The following TRUB2 variants were observed in gnomAD, a reference collection of about 807,000 sequenced individuals.
TRUB2 encodes the protein pseudouridylate synthase TRUB2, mitochondrial.
TRUB2 carries 31 observed loss-of-function variants against 31.9 expected under a neutral mutation model. The observed-to-expected ratio is 0.97, with a 90% confidence interval of 0.73 to 1.31. The LOEUF is 1.31. TRUB2 is among the 50% of genes most tolerant of loss of function. The pLI is 0.00. For synonymous variants in TRUB2, 201 were observed against 182.6 expected, an observed-to-expected ratio of 1.10 and a Z score of -0.81; for missense variants, 451 against 439.6, an observed-to-expected ratio of 1.03 and a Z score of -0.23.
At chr9:128,315,692 C>A (rs183354270) in intron 3 of TRUB2, 64 bp from the exon 4 acceptor site, 5 of 1,541,574 alleles carry the variant, frequency 3.2e-6, no homozygotes, top group Non-Finnish European at 4.4e-6. Flanking sequence ...AGTATCCCCA[C>A]CCCTACCCCC....
chr9:128,322,006 G>A (rs1185887264), intron 1 of TRUB2, among the ~76,000 whole-genome samples: 1 of 152,200 alleles, frequency 6.6e-6, no homozygotes, highest in Admixed American at 6.6e-5. Context: ...TGATGTAGAA[G>A]ACAAAGCAGA....
At position 128,307,621 on chromosome 9, in the gene TRUB2, C is replaced by T. The variant is rs907798713; in HGVS notation, c.*1929G>A. 6.6e-6 allele frequency: 1 copy of T among 151,898 alleles called. No homozygotes were observed. The highest frequency in any genetic ancestry group is 2.4e-5 in the African/African-American group (1 of 41,334). The allele number at this position is 151,898 out of a possible 1,614,324, so 9.4% of individuals were successfully genotyped here. ...TGGTGCACACCGGTAATCCCAGCAA[C>T]TCTGGAGACTAAGGCAGGAAGAATC... is the stretch of plus-strand genomic sequence containing the variant. On this transcript the variant is annotated 3_prime_UTR_variant, in exon 8 of 8. Transcript: ENST00000372890.
chr9:128,316,381 A>T (rs1832069001), intron 3 of TRUB2: 1 of 152,066 alleles, frequency 6.6e-6, no homozygotes, highest in Non-Finnish European at 1.5e-5. Flanking sequence ...AGACAGAGCA[A>T]GACTCTGTCT....
At chr9:128,316,447 A>T (rs1171333338) in intron 3 of TRUB2, 2 of 151,722 alleles carry the variant, frequency 1.3e-5, no homozygotes, top group African/African-American at 2.4e-5. Context: ...GCACAGAGGA[A>T]GGGCCCAATA....
At chr9:128,309,911 G>T (rs1051932305) in intron 7 of TRUB2, 36 bp from the exon 8 acceptor site, 4 of 1,599,344 alleles carry the variant, frequency 2.5e-6, no homozygotes, top group African/African-American at 1.3e-5. Context: ...ATGGTGGTGA[G>T]AGCACAGCCT....
intron 4 of TRUB2, among the ~76,000 whole-genome samples, chr9:128,314,578 C>T (rs1475329454): frequency 6.6e-6 from 1 of 152,022 alleles, no homozygotes; most frequent in Non-Finnish European, 1.5e-5. Flanking sequence ...GACAGGCATG[C>T]GCCACCAGCC....
chr9:128,315,000 A>G (rs1474697547), intron 4 of TRUB2, among the ~76,000 whole-genome samples: 1 of 152,222 alleles, frequency 6.6e-6, no homozygotes, highest in Non-Finnish European at 1.5e-5. Flanking sequence ...ATTTGGCTCC[A>G]GAATTTGTGC....
At chr9:128,310,863 C>T (rs753397915) in intron 7 of TRUB2, 24 bp downstream of exon 7, 1 of 1,613,678 alleles carries the variant, frequency 6.2e-7, no homozygotes, top group Non-Finnish European at 8.5e-7. Context: ...CATCTCACTG[C>T]TCCAACTTCC....
At position 128,313,816 on chromosome 9, in the gene TRUB2, G is replaced by T. The variant is rs747638814; in HGVS notation, c.452C>A (p.Thr151Lys). Residue 151 changes from threonine to lysine, a missense_variant, in exon 5 of 8, where the codon ACA becomes AAA. Coordinates refer to ENST00000372890, the MANE Select transcript of TRUB2 (RefSeq NM_015679.3). ...FREDGRLVEK[T>K]TYDHVTREKL... ...CCACTTCCGGTTCTCACCATAGGTTGTCTTCTCTACCAGCCTCCCGTCCTC... is the reference window on the plus strand; with the variant it reads ...CCACTTCCGGTTCTCACCATAGGTTTTCTTCTCTACCAGCCTCCCGTCCTC... 91 of 1,614,058 alleles carry T rather than the reference G, an allele frequency of 5.6e-5. No homozygotes were observed. Among genetic ancestry groups the T allele is most frequent in the Non-Finnish European group, 7.6e-5 (90 of 1,180,014 alleles).
At chr9:128,309,955 T>C in intron 7 of TRUB2, 80 bp from the exon 8 acceptor site, 1 of 1,441,440 alleles carries the variant, frequency 6.9e-7, no homozygotes, top group South Asian at 1.3e-5. Context: ...ACCCCTTGGA[T>C]ACCTCCTAGG....
At chr9:128,315,683 G>A (rs1832057019) in intron 3 of TRUB2, 55 bp from the exon 4 acceptor site, 1 of 1,572,262 alleles carries the variant, frequency 6.4e-7, no homozygotes, top group Admixed American at 1.8e-5. Context: ...ATTCCCCTAA[G>A]TATCCCCACC....
intron 4 of TRUB2, among the ~76,000 whole-genome samples, chr9:128,314,982 C>A (rs1832042222): frequency 6.6e-6 from 1 of 152,172 alleles, no homozygotes; most frequent in African/African-American, 2.4e-5. Context: ...GGGGTTCAAA[C>A]TGAAGCCATT....
intron 2 of TRUB2, among the ~76,000 whole-genome samples, chr9:128,320,578 C>T (rs915694543): frequency 6.6e-6 from 1 of 151,804 alleles, no homozygotes; most frequent in South Asian, 2.1e-4. Flanking sequence ...GTGATCTGCT[C>T]GCCTCAGCCT....
rs1831914299 is a variant in TRUB2 at position 128,308,972 on chromosome 9, C to T, written c.*578G>A. ...GAGGTTGAGTGTCATTTCTGGCTTA[C>T]TAGCCATTTGGATTTCTTCTGATAC... On this transcript the variant is annotated 3_prime_UTR_variant, in exon 8 of 8. Coordinates refer to ENST00000372890, the MANE Select transcript of TRUB2 (RefSeq NM_015679.3). 6.6e-6 allele frequency: 1 copy of T among 152,526 alleles called. No homozygotes were observed. The highest frequency in any genetic ancestry group is 1.5e-5 in the Non-Finnish European group (1 of 68,362). 9.4% of individuals were successfully genotyped at this position (152,526 alleles called of 1,614,324 possible).
rs1195662888 is a variant in TRUB2, at chr9:128,309,400, G to C, written c.*150C>G. On this transcript the variant is annotated 3_prime_UTR_variant, in exon 8 of 8. Transcript: ENST00000372890. ...ACAGAAGTTTTTCCTTCTCAGTTGG[G>C]TCAAGTCCATTGACCTTTCTGTTAC... 2.5e-6 allele frequency: 2 copies of C among 809,534 alleles called. No individual in the cohort carries two copies. Among genetic ancestry groups the C allele is most frequent in the Admixed American group, 5.6e-5 (2 of 35,404 alleles). 50.1% of individuals were successfully genotyped at this position (809,534 alleles called of 1,614,324 possible). A position where few individuals can be genotyped will look rare whatever the true frequency, so the allele number is the denominator to read the frequency against.
intron 2 of TRUB2, among the ~76,000 whole-genome samples, chr9:128,321,084 G>C (rs1371138328): frequency 6.6e-6 from 1 of 152,264 alleles, no homozygotes; most frequent in Non-Finnish European, 1.5e-5. Flanking sequence ...ACCACGCCTA[G>C]CTAGATTACT....
chr9:128,315,855 G>C (rs1832059815), intron 3 of TRUB2: 1 of 552,344 alleles, frequency 1.8e-6, no homozygotes, highest in Admixed American at 3.0e-5. Context: ...TGGTTGGAGG[G>C]GGCCTAGGAT....
Position 128,306,338 on chromosome 9 carries a change from C to T in TRUB2, c.*3212G>A, listed in dbSNP as rs1831864480. On this transcript the variant is annotated 3_prime_UTR_variant, in exon 8 of 8. Transcript: ENST00000372890. The stretch of plus-strand genomic sequence containing the variant: ...CCTACGTTCAAGTTACCTAATTTTT[C>T]CAAAGAACTGAGTTTTGCTGATACC... 1 of 152,028 alleles carries T rather than the reference C, an allele frequency of 6.6e-6. No individual in the cohort carries two copies. The highest frequency in any genetic ancestry group is 1.5e-5 in the Non-Finnish European group (1 of 68,032). 9.4% of individuals were successfully genotyped at this position (152,028 alleles called of 1,614,324 possible).
intron 4 of TRUB2, among the ~76,000 whole-genome samples, chr9:128,314,198 C>T (rs1421601628): frequency 6.6e-6 from 1 of 152,206 alleles, no homozygotes; most frequent in Non-Finnish European, 1.5e-5. Context: ...AGGCTTCCTA[C>T]AAGACTGCTG....
Sources: gnomAD v4.1 joint callset for allele counts (sites outside exome capture counted in the v4.1 genomes callset) on GRCh38, gnomAD v4.1.1 for gene constraint, MANE v1.5 for transcripts, NCBI Gene and HGNC (gene_info 2026-07-23, HGNC 2026-07-21) for gene names.